QTMAN: variants seen among roughly 807,000 people sequenced by gnomAD.
The protein encoded by QTMAN is tRNA-queuosine alpha-mannosyltransferase.
chr2:144,114,955 A>T, the QTMAN span, among the ~76,000 whole-genome samples: 2 of 152,186 alleles, frequency 1.3e-5, no homozygotes, highest in African/African-American at 4.8e-5. Context: ...CAGGCCAGGC[A>T]TGGTGACTCA....
chr2:144,141,728 T>C, the QTMAN span, among the ~76,000 whole-genome samples: 2 of 151,978 alleles, frequency 1.3e-5, no homozygotes, highest in African/African-American at 4.8e-5. Context: ...TGATTTAAAA[T>C]CTTTGTAAAT....
chr2:144,330,159 C>T, the QTMAN span, among the ~76,000 whole-genome samples: 1 of 152,224 alleles, frequency 6.6e-6, no homozygotes. Flanking sequence ...CATCACATGA[C>T]ATTTCAGTCA....
chr2:144,332,281 C>G, the QTMAN span, among the ~76,000 whole-genome samples: 1 of 150,838 alleles, frequency 6.6e-6, no homozygotes, highest in African/African-American at 2.4e-5. Context: ...CCCACACCCC[C>G]CGCCCCCGGC....
the QTMAN span, among the ~76,000 whole-genome samples, chr2:143,990,591 T>G: frequency 6.6e-6 from 1 of 152,210 alleles, no homozygotes; most frequent in African/African-American, 2.4e-5. Flanking sequence ...AAAATTCTCC[T>G]GTAATTTCCT....
chr2:144,082,417 A>G, the QTMAN span, among the ~76,000 whole-genome samples: 2 of 152,216 alleles, frequency 1.3e-5, no homozygotes, highest in Non-Finnish European at 1.5e-5. Flanking sequence ...TAGGTAAATC[A>G]GCAAATATTT....
chr2:143,950,215 A>G, the QTMAN span, among the ~76,000 whole-genome samples: 3 of 151,764 alleles, frequency 2.0e-5, no homozygotes, highest in African/African-American at 7.2e-5. Flanking sequence ...TTTAAGTACT[A>G]ACATGTAACA....
chr2:144,140,397 C>T, the QTMAN span, among the ~76,000 whole-genome samples: 1 of 151,868 alleles, frequency 6.6e-6, no homozygotes, highest in East Asian at 1.9e-4. Flanking sequence ...TAGAGATATA[C>T]ATTTTGCCTA....
chr2:144,155,640 A>T, the QTMAN span, among the ~76,000 whole-genome samples: 1 of 152,130 alleles, frequency 6.6e-6, no homozygotes, highest in Admixed American at 6.6e-5. Context: ...CATCACTGCA[A>T]TCCGACCCTA....
the QTMAN span, among the ~76,000 whole-genome samples, chr2:144,028,425 T>C: frequency 2.0e-5 from 3 of 152,220 alleles, no homozygotes; most frequent in African/African-American, 7.2e-5. Flanking sequence ...TCTCAACCTA[T>C]AGATGTTATA....
At chr2:144,093,275 G>A in the QTMAN span, among the ~76,000 whole-genome samples, 3 of 152,312 alleles carry the variant, frequency 2.0e-5, no homozygotes, top group East Asian at 1.9e-4. Context: ...GGCTAAAGCC[G>A]AGATACCCAC....
At chr2:144,061,121 T>C in the QTMAN span, among the ~76,000 whole-genome samples, 1 of 152,150 alleles carries the variant, frequency 6.6e-6, no homozygotes, top group East Asian at 1.9e-4. Flanking sequence ...GTAGGGAAAA[T>C]AAACACAAAT....
At chr2:144,313,527 G>GA in the QTMAN span, among the ~76,000 whole-genome samples, 781 of 151,848 alleles carry the variant, frequency 5.1e-3, 4 homozygotes, top group Non-Finnish European at 7.7e-3. Context: ...CAAGGAAAAA[G>GA]AAAAAAGGAG....
chr2:143,938,408 T>G, the QTMAN span: 17 of 152,244 alleles, frequency 1.1e-4, no homozygotes, highest in African/African-American at 3.4e-4. Flanking sequence ...TCTAGGTCTG[T>G]GCCCTCATTT....
At chr2:144,218,169 C>T in the QTMAN span, among the ~76,000 whole-genome samples, 2 of 152,154 alleles carry the variant, frequency 1.3e-5, no homozygotes, top group South Asian at 2.1e-4. Context: ...ATTACTTCTT[C>T]CTATCACTCA....
At chr2:144,252,734 T>A in the QTMAN span, among the ~76,000 whole-genome samples, 1 of 152,220 alleles carries the variant, frequency 6.6e-6, no homozygotes. Context: ...ATCCAGCAAC[T>A]GTGCTTCTTG....
the QTMAN span, among the ~76,000 whole-genome samples, chr2:144,010,554 C>T: frequency 9.3e-4 from 141 of 152,094 alleles, 1 homozygote; most frequent in Middle Eastern, 0.014. Flanking sequence ...TTTGATTCAG[C>T]GAACTGATGC....
the QTMAN span, among the ~76,000 whole-genome samples, chr2:144,095,837 G>A: frequency 5.3e-4 from 80 of 152,122 alleles, no homozygotes; most frequent in African/African-American, 1.7e-3. Flanking sequence ...TAATATTAAA[G>A]ATAGTCTAAG....
chr2:144,138,367 TA>T, the QTMAN span, among the ~76,000 whole-genome samples: 9 of 151,788 alleles, frequency 5.9e-5, no homozygotes, highest in African/African-American at 1.9e-4. Context: ...AAGGTTTTGC[TA>T]CTAAGAGAAG....
chr2:144,182,016 G>C, the QTMAN span, among the ~76,000 whole-genome samples: 1 of 151,992 alleles, frequency 6.6e-6, no homozygotes, highest in African/African-American at 2.4e-5. Flanking sequence ...AGATAAGCTA[G>C]CAACAACCCA....
Sources: gnomAD v4.1 joint callset for allele counts (sites outside exome capture counted in the v4.1 genomes callset) on GRCh38, gnomAD v4.1.1 for gene constraint, MANE v1.5 for transcripts, NCBI Gene and HGNC (gene_info 2026-07-23, HGNC 2026-07-21) for gene names.